IFI44: variants seen among roughly 807,000 people sequenced by gnomAD.
IFI44 encodes the protein interferon induced protein 44.
In IFI44, 42 loss-of-function variants were observed where a neutral mutation model predicts 45.0. The ratio of observed to expected loss-of-function variants is 0.93; its 90% CI spans 0.73 to 1.21. The LOEUF is 1.21. Among genes scored for constraint, IFI44 ranks in the 50% most tolerant of loss-of-function variants. The pLI, the probability that IFI44 is intolerant of heterozygous loss-of-function variation, is 0.00. For missense variants in IFI44, 623 were observed against 525.8 expected, an observed-to-expected ratio of 1.18 and a Z score of -1.81; for synonymous variants, 221 against 188.6, an observed-to-expected ratio of 1.17 and a Z score of -1.41.
intron 5 of IFI44, among the ~76,000 whole-genome samples, chr1:78,657,178 A>C (rs1371994899): frequency 6.6e-6 from 1 of 151,876 alleles, no homozygotes; most frequent in East Asian, 1.9e-4. Flanking sequence ...ATCAAATACA[A>C]CTCAATGTTC....
Position 78,655,423 on chromosome 1 carries a change from A to G in IFI44, c.752A>G (p.Asp251Gly). The change falls in exon 5 of 9, where the codon GAC becomes GGC. Residue 251 changes from aspartate to glycine, a missense_variant. Coordinates refer to ENST00000370747, the MANE Select transcript of IFI44 (RefSeq NM_006417.5). ...AAATACCTGCCGTTTATTCTGTGTGACTCACTGGGGCTGAGTGAGAAAGAA... is the reference window on the plus strand; with the variant it reads ...AAATACCTGCCGTTTATTCTGTGTGGCTCACTGGGGCTGAGTGAGAAAGAA... ...DGKYLPFILC[D>G]SLGLSEKEGG... The G allele has an allele frequency of 1.1e-5, 17 of 1,613,536 alleles. 1 individual carries two copies. Among genetic ancestry groups the G allele is most frequent in the Non-Finnish European group, 1.4e-5 (17 of 1,179,588 alleles).
intron 6 of IFI44, among the ~76,000 whole-genome samples, chr1:78,660,141 C>G (rs1214374249): frequency 6.6e-6 from 1 of 152,186 alleles, no homozygotes; most frequent in Non-Finnish European, 1.5e-5. Context: ...GGGAAGTTTA[C>G]TTGTGATGCT....
chr1:78,663,931 GA>G lies in IFI44; in HGVS notation c.*121del, dbSNP rs1647618636. ...AGGGATGTGTTTTATTAATGTCTAG[GA>G]TGAAGAAATGCATAGAACATTGTAG... On this transcript the variant is annotated 3_prime_UTR_variant, in exon 9 of 9. Transcript: ENST00000370747. 2.4e-6 allele frequency: 2 copies of G among 826,664 alleles called. No individual in the cohort carries two copies. The highest frequency in any genetic ancestry group is 1.8e-6 in the Non-Finnish European group (1 of 544,976). The allele number at this position is 826,664 out of a possible 1,614,324, so 51.2% of individuals were successfully genotyped here.
chr1:78,663,733 C>A, intron 8 of IFI44, 32 bp from the exon 9 acceptor site: 1 of 1,606,808 alleles, frequency 6.2e-7, no homozygotes, highest in Non-Finnish European at 8.5e-7. Flanking sequence ...CTGAGATAAT[C>A]CACTAAGAAT....
intron 8 of IFI44, chr1:78,663,477 A>G: frequency 8.1e-6 from 8 of 985,346 alleles, no homozygotes; most frequent in Non-Finnish European, 8.4e-6. Flanking sequence ...GATTTGACAG[A>G]GGTTTCAGTT....
intron 7 of IFI44, among the ~76,000 whole-genome samples, chr1:78,660,957 T>C (rs541071122): frequency 6.6e-6 from 1 of 152,332 alleles, no homozygotes; most frequent in South Asian, 2.1e-4. Flanking sequence ...CTAGATTACT[T>C]ATAATACCTA....
intron 5 of IFI44, 150 bp from the exon 6 acceptor site, chr1:78,659,162 C>T: frequency 1.7e-6 from 1 of 603,328 alleles, no homozygotes; most frequent in Non-Finnish European, 2.9e-6. Flanking sequence ...TTGCATAATG[C>T]CTGTCTTCTC....
rs1224915181 is a variant in IFI44 at position 78,655,380 on chromosome 1, A to G, written c.709A>G (p.Arg237Gly). The change falls in exon 5 of 9, where the codon AGA (arginine) becomes GGA (glycine). Residue 237 changes from arginine (R) to glycine (G), a missense_variant. Physicochemically the swap from Arg to Gly is moderately radical, Grantham distance 125. Coordinates refer to ENST00000370747, the MANE Select transcript of IFI44 (RefSeq NM_006417.5). ...ISEKYRTYSI[R>G]DGKDGKYLPF... ...TCTACAGTATAGGACATACTCTATT[A>G]GAGACGGGAAAGATGGCAAATACCT... 3.1e-6 allele frequency: 5 copies of G among 1,612,830 alleles called. No homozygotes were observed. The South Asian group carries it at 4.4e-5, about 14-fold the overall frequency.
rs372827396 is a variant in IFI44, at chr1:78,662,695, G to A, written c.1114-9G>A. ...GTTTTGCAATGTCTTTTTAATTTCT[G>A]TATTGCAGCTAGAGGAAGTCCAAAG... On this transcript the variant is annotated splice_polypyrimidine_tract_variant and intron_variant, in intron 7 of 8. Coordinates refer to ENST00000370747, the MANE Select transcript of IFI44 (RefSeq NM_006417.5). 1.3e-6 allele frequency: 2 copies of A among 1,597,924 alleles called. No homozygotes were observed. Among genetic ancestry groups the A allele is most frequent in the Non-Finnish European group, 1.7e-6 (2 of 1,168,144 alleles).
Position 78,654,998 on chromosome 1 carries a change from G to A in IFI44, c.495-16G>A, listed in dbSNP as rs41412546. ...CTAACCTCAGTCAATTGTTAAAAAC[G>A]GTCATGTCTAAACAGGCTCAGGAAG... On this transcript the variant is annotated splice_polypyrimidine_tract_variant and intron_variant, in intron 3 of 8. Coordinates refer to ENST00000370747, the MANE Select transcript of IFI44 (RefSeq NM_006417.5). 2,672 of 1,530,274 alleles carry A rather than the reference G, an allele frequency of 1.7e-3. 45 individuals carry two copies. In the African/African-American group the frequency reaches 0.033, roughly 19 times the overall value. The allele number at this position is 1,530,274 out of a possible 1,614,324, so 94.8% of individuals were successfully genotyped here.
chr1:78,650,737 G>T lies in IFI44; in HGVS notation c.457+85G>T, dbSNP rs1647111340. ...CCAATTCATCTCTTTAAGGAAAAAT[G>T]AACTTTTCACTTGTCAATAATTTGG... On this transcript the variant is annotated intron_variant, in intron 2 of 8. Transcript: ENST00000370747. The T allele has an allele frequency of 8.7e-6, 8 of 915,778 alleles. No individual in the cohort carries two copies. In the South Asian group the frequency reaches 1.3e-4, roughly 15 times the overall value. 56.7% of individuals were successfully genotyped at this position (915,778 alleles called of 1,614,324 possible).
intron 5 of IFI44, among the ~76,000 whole-genome samples, chr1:78,658,185 C>T (rs932188101): frequency 6.6e-6 from 1 of 151,932 alleles, no homozygotes; most frequent in African/African-American, 2.4e-5. Context: ...CTGCTTTCAC[C>T]CAAACTGAGA....
chr1:78,658,073 A>G (rs1645629343), intron 5 of IFI44, among the ~76,000 whole-genome samples: 1 of 151,974 alleles, frequency 6.6e-6, no homozygotes, highest in Admixed American at 6.6e-5. Context: ...AGTAATATAC[A>G]TTTTAATGAA....
intron 6 of IFI44, 122 bp from the exon 7 acceptor site, chr1:78,660,432 G>A: frequency 2.9e-6 from 2 of 691,382 alleles, no homozygotes; most frequent in Non-Finnish European, 4.9e-6. Context: ...GGTGACCGGG[G>A]TGTGGGGGAT....
intron 2 of IFI44, among the ~76,000 whole-genome samples, chr1:78,652,180 C>G (rs1647135113): frequency 6.6e-6 from 1 of 152,138 alleles, no homozygotes; most frequent in African/African-American, 2.4e-5. Context: ...CCCGCGGGAT[C>G]AAGTAATTCT....
At chr1:78,653,425 G>T (rs1321487185) in intron 2 of IFI44, among the ~76,000 whole-genome samples, 3 of 152,138 alleles carry the variant, frequency 2.0e-5, no homozygotes, top group Non-Finnish European at 1.5e-5. Context: ...TAGATATTGA[G>T]TGAAGTTTTC....
At chr1:78,662,214 A>G (rs531994402) in intron 7 of IFI44, among the ~76,000 whole-genome samples, 1 of 152,310 alleles carries the variant, frequency 6.6e-6, no homozygotes, top group Non-Finnish European at 1.5e-5. Context: ...TAACAAGCCT[A>G]TGAAATGGGT....
At chr1:78,658,301 T>G (rs960884157) in intron 5 of IFI44, among the ~76,000 whole-genome samples, 7 of 152,114 alleles carry the variant, frequency 4.6e-5, no homozygotes, top group Non-Finnish European at 1.0e-4. Context: ...GCTCTATCAG[T>G]ACCATGAACA....
At chr1:78,659,032 C>T (rs1188498476) in intron 5 of IFI44, among the ~76,000 whole-genome samples, 1 of 151,928 alleles carries the variant, frequency 6.6e-6, no homozygotes, top group Non-Finnish European at 1.5e-5. Context: ...TTATCTAGAA[C>T]ACTTTCAGCC....
Sources: gnomAD v4.1 joint callset for allele counts (sites outside exome capture counted in the v4.1 genomes callset) on GRCh38, gnomAD v4.1.1 for gene constraint, MANE v1.5 for transcripts, NCBI Gene and HGNC (gene_info 2026-07-23, HGNC 2026-07-21) for gene names.